ACOX1: variants seen among roughly 807,000 people sequenced by gnomAD.
ACOX1 encodes the protein peroxisomal acyl-coenzyme A oxidase 1.
A neutral mutation model predicts 75.5 loss-of-function variants in ACOX1; 41 were observed. The observed-to-expected ratio is 0.54, with a 90% confidence interval of 0.42 to 0.70. The LOEUF is 0.70. Ranked by LOEUF, ACOX1 falls within the 30% of genes least tolerant of loss-of-function variation. The pLI, the probability that ACOX1 is intolerant of heterozygous loss-of-function variation, is 0.00. For missense variants in ACOX1, 630 were observed against 837.5 expected, an observed-to-expected ratio of 0.75 and a Z score of 3.06; for synonymous variants, 303 against 298.8, an observed-to-expected ratio of 1.01 and a Z score of -0.15.
chr17:75,969,200 G>C lies in ACOX1; in HGVS notation c.270-8825C>G, dbSNP rs572689386. Among the ~76,000 whole-genome samples, 14 of 152,158 alleles carry C rather than the reference G, an allele frequency of 9.2e-5. No individual in the cohort carries two copies. In the South Asian group the frequency reaches 2.9e-3, roughly 32 times the overall value. The stretch of plus-strand genomic sequence containing the variant: ...TTATTTTTTGAGACGGAGTCTCACT[G>C]TTGTTACCCAGGCTAGAGCGCAATG... On this transcript the variant is annotated intron_variant, in intron 2 of 13. Transcript: ENST00000293217.
At chr17:75,969,171 T>G (rs1474941219) in intron 2 of ACOX1, among the ~76,000 whole-genome samples, 1 of 152,114 alleles carries the variant, frequency 6.6e-6, no homozygotes, top group Non-Finnish European at 1.5e-5. Flanking sequence ...ATTTATTTAT[T>G]TATTTATTTT....
chr17:75,970,282 G>T (rs902834228), intron 2 of ACOX1, among the ~76,000 whole-genome samples: 1 of 151,312 alleles, frequency 6.6e-6, no homozygotes, highest in Non-Finnish European at 1.5e-5. Context: ...GCCACATCTT[G>T]AAATGATTAC....
At chr17:75,955,710 A>G (rs1229932399) in intron 5 of ACOX1, 29 bp from the exon 6 acceptor site, 3 of 1,611,740 alleles carry the variant, frequency 1.9e-6, no homozygotes, top group Non-Finnish European at 2.5e-6. Context: ...CAGTCACGAG[A>G]TGTTTATGCT....
At chr17:75,970,917 C>G (rs758898629) in intron 2 of ACOX1, among the ~76,000 whole-genome samples, 1 of 152,148 alleles carries the variant, frequency 6.6e-6, no homozygotes, top group East Asian at 1.9e-4. Flanking sequence ...TAGCAAAATT[C>G]CAGCAAGAAA....
chr17:75,960,121 T>G lies in ACOX1; in HGVS notation c.430+94A>C, dbSNP rs766369275. 29 of 1,507,282 alleles carry G rather than the reference T, an allele frequency of 1.9e-5. No homozygotes were observed. The highest frequency in any genetic ancestry group is 7.0e-5 in the Admixed American group (4 of 57,446). The allele number at this position is 1,507,282 out of a possible 1,614,324, so 93.4% of individuals were successfully genotyped here. The stretch of plus-strand genomic sequence containing the variant: ...GCTCATTTAAACAGACCATAGAACA[T>G]CGACACACCATCGATGGCACATGGT... On this transcript the variant is annotated intron_variant, in intron 3 of 13. Transcript: ENST00000293217. This position sits in a 1 kb window ranked among gnomAD's most constrained non-coding sequence, Gnocchi z 4.4.
In ACOX1 at chr17:75,945,644, T is replaced by G. The variant is rs1468274718; in HGVS notation, c.*1104A>C. On this transcript the variant is annotated 3_prime_UTR_variant, in exon 14 of 14. Coordinates refer to ENST00000293217, the MANE Select transcript of ACOX1 (RefSeq NM_004035.7). ...GTATAGAATGATTGTATAAATTAGATTTCAACTGAAAGGACAATTAGCGAT... is the reference window on the plus strand; with the variant it reads ...GTATAGAATGATTGTATAAATTAGAGTTCAACTGAAAGGACAATTAGCGAT... 6.5e-6 allele frequency: 1 copy of G among 153,726 alleles called. No homozygotes were observed. The highest frequency in any genetic ancestry group is 1.5e-5 in the Non-Finnish European group (1 of 68,038). The allele number at this position is 153,726 out of a possible 1,614,324, so 9.5% of individuals were successfully genotyped here.
chr17:75,965,934 A>C (rs953721212), intron 2 of ACOX1, among the ~76,000 whole-genome samples: 1 of 151,958 alleles, frequency 6.6e-6, no homozygotes, highest in Non-Finnish European at 1.5e-5. Flanking sequence ...GTTCGAGACC[A>C]GCCTGGCCAA....
At chr17:75,961,359 C>T (rs1455090051) in intron 2 of ACOX1, among the ~76,000 whole-genome samples, 1 of 150,186 alleles carries the variant, frequency 6.7e-6, no homozygotes, top group East Asian at 2.0e-4. Context: ...GTGGCTCATG[C>T]CTGTAATCCT....
In ACOX1 at chr17:75,978,919, C is replaced by G. The variant is rs1247747946; in HGVS notation, c.109+46G>C. 6.2e-7 allele frequency: 1 copy of G among 1,605,654 alleles called. No homozygotes were observed. The highest frequency in any genetic ancestry group is 1.1e-5 in the South Asian group (1 of 91,066). On this transcript the variant is annotated intron_variant, in intron 1 of 13. Transcript: ENST00000293217. This position sits in a 1 kb window ranked among gnomAD's most constrained non-coding sequence, Gnocchi z 4.2. ...CCCTGACTCCGCATCGAGGGAGTCTCCAGCTTTTCTCGGGAAAGGAGGGAG... is the reference window on the plus strand; with the variant it reads ...CCCTGACTCCGCATCGAGGGAGTCTGCAGCTTTTCTCGGGAAAGGAGGGAG...
At position 75,949,881 on chromosome 17, in the gene ACOX1, A is replaced by G. The variant is rs778989326; in HGVS notation, c.1315T>C (p.Tyr439His). ...AACTTTCCTGAGTGCACCTGATCATAACTTTTCATCAGGAACCTAAAAGTC... is the reference window on the plus strand; with the variant it reads ...AACTTTCCTGAGTGCACCTGATCATGACTTTTCATCAGGAACCTAAAAGTC... ...LQTARFLMKS[Y>H]DQVHSGKLVC... The change falls in exon 10 of 14, where the codon TAT (tyrosine) becomes CAT (histidine). Residue 439 changes from tyrosine to histidine, a missense_variant. By Grantham distance (83) the Tyr-to-His change is moderately conservative (BLOSUM62 2). Around this residue, in one of 2 missense-constraint regions of ACOX1, gnomAD observed 390 missense variants for 574.9 expected, o/e 0.68. Transcript: ENST00000293217. 12 of 1,614,226 alleles carry G rather than the reference A, an allele frequency of 7.4e-6. No individual in the cohort carries two copies. The highest frequency in any genetic ancestry group is 1.3e-5 in the African/African-American group (1 of 75,060).
At position 75,978,009 on chromosome 17, in the gene ACOX1, G is replaced by A. The variant is rs953445088; in HGVS notation, c.269+525C>T. 3.3e-5 allele frequency among the ~76,000 whole-genome samples: 5 copies of A among 152,102 alleles called. No homozygotes were observed. The highest frequency in any genetic ancestry group is 1.2e-4 in the African/African-American group (5 of 41,396). ...ACTCCTGCATTTCCATTTATTATCA[G>A]CATTCTACAAACACGTCATCCCACG... On this transcript the variant is annotated intron_variant, in intron 2 of 13. Coordinates refer to ENST00000293217, the MANE Select transcript of ACOX1 (RefSeq NM_004035.7). The surrounding 1 kb of genome is among the most constrained non-coding windows in gnomAD (Gnocchi z 4.2).
chr17:75,946,594 A>T lies in ACOX1; in HGVS notation c.*154T>A. On this transcript the variant is annotated 3_prime_UTR_variant, in exon 14 of 14. Coordinates refer to ENST00000293217, the MANE Select transcript of ACOX1 (RefSeq NM_004035.7). ...TTAAAACATCTGCTTTTTTTCATTT[A>T]ATCTCTGAAATCTGTTCATTTTTTC... 6 of 690,768 alleles carry T rather than the reference A, an allele frequency of 8.7e-6. No individual in the cohort carries two copies. The Admixed American group carries it at 9.4e-5, about 11-fold the overall frequency. The allele number at this position is 690,768 out of a possible 1,614,324, so 42.8% of individuals were successfully genotyped here.
chr17:75,978,494 T>G lies in ACOX1; in HGVS notation c.269+40A>C, dbSNP rs1289363768. ...CACCATAGACCGCAGCTGTAAAGTT[T>G]AGGCTTAACAACACTTGCTCTGTTC... is the stretch of plus-strand genomic sequence containing the variant. On this transcript the variant is annotated intron_variant, in intron 2 of 13. Transcript: ENST00000293217. This position sits in a 1 kb window ranked among gnomAD's most constrained non-coding sequence, Gnocchi z 4.2. 3.1e-6 allele frequency: 5 copies of G among 1,613,634 alleles called. No homozygotes were observed. Among genetic ancestry groups the G allele is most frequent in the African/African-American group, 2.7e-5 (2 of 74,924 alleles).
chr17:75,954,297 G>A (rs2065802301), intron 6 of ACOX1, among the ~76,000 whole-genome samples: 1 of 150,608 alleles, frequency 6.6e-6, no homozygotes, highest in Middle Eastern at 3.5e-3. Context: ...GAGGCAAGAG[G>A]GTCCCCTGAG....
chr17:75,957,436 T>A (rs1442961108), intron 4 of ACOX1, 23 bp downstream of exon 4: 3 of 1,583,730 alleles, frequency 1.9e-6, no homozygotes. Flanking sequence ...AAACATCCAA[T>A]AAATGCTGAA....
intron 4 of ACOX1, 132 bp from the exon 5 acceptor site, chr17:75,956,079 T>C: frequency 1.7e-6 from 2 of 1,209,752 alleles, no homozygotes; most frequent in Admixed American, 1.8e-5. Context: ...AAAGCCTTTC[T>C]GCTGACAGCA....
chr17:75,957,089 T>C lies in ACOX1; in HGVS notation c.538+370A>G, dbSNP rs1189002948. Among the ~76,000 whole-genome samples the C allele has an allele frequency of 2.0e-5, 3 of 150,284 alleles. No homozygotes were observed. The Admixed American group carries it at 2.0e-4, about 10-fold the overall frequency. ...CACACCACACACACATATATTTGTT[T>C]GTTGGGTTGTTTTTGAGACAAAGTC... On this transcript the variant is annotated intron_variant, in intron 4 of 13. Coordinates refer to ENST00000293217, the MANE Select transcript of ACOX1 (RefSeq NM_004035.7).
At position 75,960,092 on chromosome 17, in the gene ACOX1, A is replaced by C. The variant is rs1411070042; in HGVS notation, c.430+123T>G. The stretch of plus-strand genomic sequence containing the variant: ...TATACCAAAACCTGGACTCTGCAGA[A>C]AGAGCTCATTTAAACAGACCATAGA... On this transcript the variant is annotated intron_variant, in intron 3 of 13. Coordinates refer to ENST00000293217, the MANE Select transcript of ACOX1 (RefSeq NM_004035.7). This position sits in a 1 kb window ranked among gnomAD's most constrained non-coding sequence, Gnocchi z 4.4. 8.1e-7 allele frequency: 1 copy of C among 1,230,532 alleles called. No individual in the cohort carries two copies. The highest frequency in any genetic ancestry group is 1.5e-5 in the African/African-American group (1 of 66,968). 76.2% of individuals were successfully genotyped at this position (1,230,532 alleles called of 1,614,324 possible).
chr17:75,949,680 C>T, intron 10 of ACOX1, 38 bp downstream of exon 10: 3 of 1,614,010 alleles, frequency 1.9e-6, no homozygotes, highest in Non-Finnish European at 2.5e-6. Flanking sequence ...GGCCCCAGCC[C>T]CACTGCTGCG....
Sources: gnomAD v4.1 joint callset for allele counts (sites outside exome capture counted in the v4.1 genomes callset) on GRCh38, gnomAD v4.1.1 for gene constraint, gnomAD v4.1.1 regional missense constraint, Gnocchi (gnomAD v3.1) non-coding constraint, MANE v1.5 for transcripts, NCBI Gene and HGNC (gene_info 2026-07-23, HGNC 2026-07-21) for gene names.